Variants in ZRANB3 observed in about 807,000 individuals in gnomAD.
ZRANB3 encodes DNA annealing helicase and endonuclease ZRANB3.
Under a neutral mutation model 133.8 loss-of-function variants are expected in ZRANB3, and 125 were observed. That is an observed-to-expected ratio of 0.93 (90% CI 0.81 to 1.08). The LOEUF is 1.08. ZRANB3 is among the 50% of genes least tolerant of loss of function. The pLI is 0.00. For missense variants in ZRANB3, 1,229 were observed against 1,275.5 expected (o/e 0.96, Z 0.56); for synonymous variants, 387 against 432.7 (o/e 0.89, Z 1.31).
intron 2 of ZRANB3, among the ~76,000 whole-genome samples, chr2:135,437,766 A>G (rs1461872553): frequency 1.3e-5 from 2 of 152,208 alleles, no homozygotes; most frequent in African/African-American, 2.4e-5. Context: ...AAGAGAATCT[A>G]ATATAGTTAA....
intron 8 of ZRANB3, among the ~76,000 whole-genome samples, chr2:135,308,985 T>G (rs1682840981): frequency 6.6e-6 from 1 of 150,878 alleles, no homozygotes; most frequent in South Asian, 2.1e-4. Flanking sequence ...AACATCATTT[T>G]TTTTTTTTTT....
intron 2 of ZRANB3, among the ~76,000 whole-genome samples, chr2:135,440,433 T>A (rs1423930867): frequency 1.3e-5 from 2 of 151,698 alleles, no homozygotes; most frequent in Non-Finnish European, 2.9e-5. Context: ...GATTTTCAAC[T>A]GCGTGAGGGA....
At chr2:135,233,104 T>C (rs1322463004) in intron 12 of ZRANB3, among the ~76,000 whole-genome samples, 2 of 152,180 alleles carry the variant, frequency 1.3e-5, no homozygotes, top group African/African-American at 4.8e-5. Flanking sequence ...TTAAAGGACC[T>C]GATGGAGCTG....
intron 6 of ZRANB3, among the ~76,000 whole-genome samples, chr2:135,323,805 A>G (rs1245231221): frequency 6.6e-6 from 1 of 151,468 alleles, no homozygotes; most frequent in African/African-American, 2.4e-5. Flanking sequence ...AGAGCACTCC[A>G]TCTCCAGGCT....
chr2:135,253,978 T>C (rs1679527442), intron 12 of ZRANB3, among the ~76,000 whole-genome samples: 1 of 152,186 alleles, frequency 6.6e-6, no homozygotes, highest in Non-Finnish European at 1.5e-5. Flanking sequence ...ACTACATACT[T>C]CCAGAATCAG....
At chr2:135,238,380 T>C (rs559136833) in intron 12 of ZRANB3, among the ~76,000 whole-genome samples, 1 of 150,752 alleles carries the variant, frequency 6.6e-6, no homozygotes, top group African/African-American at 2.5e-5. Context: ...GCAGTTAAAG[T>C]AATGCTGTGT....
intron 3 of ZRANB3, among the ~76,000 whole-genome samples, chr2:135,363,834 G>C (rs1358428430): frequency 6.6e-6 from 1 of 152,142 alleles, no homozygotes; most frequent in African/African-American, 2.4e-5. Context: ...AAATCCCTTT[G>C]GGAGGCTGAT....
intron 6 of ZRANB3, among the ~76,000 whole-genome samples, chr2:135,335,344 A>G (rs1684324161): frequency 6.6e-6 from 1 of 152,134 alleles, no homozygotes; most frequent in Non-Finnish European, 1.5e-5. Flanking sequence ...TAATTCAAAC[A>G]TAACATTACA....
At chr2:135,255,911 AAT>A (rs1491268986) in intron 12 of ZRANB3, among the ~76,000 whole-genome samples, 1 of 144,808 alleles carries the variant, frequency 6.9e-6, no homozygotes, top group African/African-American at 2.9e-5. Flanking sequence ...AACTCATTAA[AAT>A]TTTTTTTTTT....
At chr2:135,443,151 A>G (rs1689858676) in intron 2 of ZRANB3, among the ~76,000 whole-genome samples, 2 of 151,762 alleles carry the variant, frequency 1.3e-5, no homozygotes, top group African/African-American at 2.4e-5. Context: ...AAAGAAAAGA[A>G]AAGAAAATGT....
intron 2 of ZRANB3, among the ~76,000 whole-genome samples, chr2:135,446,162 C>T (rs1427628655): frequency 6.7e-6 from 1 of 149,752 alleles, no homozygotes; most frequent in Non-Finnish European, 1.5e-5. Context: ...GCTGAGATTG[C>T]GCCATTGCAC....
chr2:135,215,037 C>A (rs1238037130), intron 17 of ZRANB3, among the ~76,000 whole-genome samples: 1 of 151,020 alleles, frequency 6.6e-6, no homozygotes, highest in Non-Finnish European at 1.5e-5. Flanking sequence ...CCTGCCTCAG[C>A]CTCCCGAATA....
At chr2:135,219,281 C>A in intron 15 of ZRANB3, 103 bp from the exon 16 acceptor site, 1 of 764,450 alleles carries the variant, frequency 1.3e-6, no homozygotes, top group Non-Finnish European at 2.0e-6. Flanking sequence ...GCCTAGTCTC[C>A]TAAAAGAAAA....
At chr2:135,219,815 G>C (rs1056894240) in intron 15 of ZRANB3, among the ~76,000 whole-genome samples, 7 of 152,138 alleles carry the variant, frequency 4.6e-5, no homozygotes, top group African/African-American at 7.2e-5. Context: ...ACCACCTGGA[G>C]AGTAAGTGGA....
At chr2:135,286,574 C>G (rs897142618) in intron 8 of ZRANB3, among the ~76,000 whole-genome samples, 1 of 152,102 alleles carries the variant, frequency 6.6e-6, no homozygotes, top group Non-Finnish European at 1.5e-5. Flanking sequence ...CCACTGCACT[C>G]GGCCTTATTT....
At chr2:135,207,324 T>C in intron 19 of ZRANB3, 110 bp downstream of exon 19, 1 of 1,348,496 alleles carries the variant, frequency 7.4e-7, no homozygotes, top group Non-Finnish European at 9.9e-7. Flanking sequence ...CATTATTTTC[T>C]TTCCTTTTAT....
rs1024657480 is a variant in ZRANB3 at position 135,197,966 on chromosome 2, CT to C, written c.*2375del. ...AGTGCCATCATACCTGGCCAGAGCC[CT>C]TTTTTGTTGTTGTTTTCTTAGCCTA... On this transcript the variant is annotated 3_prime_UTR_variant, in exon 21 of 21. Transcript: ENST00000264159. 4.6e-5 allele frequency: 7 copies of C among 152,528 alleles called. No homozygotes were observed. The highest frequency in any genetic ancestry group is 8.8e-5 in the Non-Finnish European group (6 of 68,248). 9.4% of individuals were successfully genotyped at this position (152,528 alleles called of 1,614,324 possible).
intron 6 of ZRANB3, among the ~76,000 whole-genome samples, chr2:135,329,908 TTG>T (rs779542710): frequency 2.6e-5 from 4 of 152,226 alleles, no homozygotes; most frequent in Non-Finnish European, 4.4e-5. Context: ...TGATTTTATA[TTG>T]TGAGACTTTG....
chr2:135,420,120 T>TATATAA (rs1688776233), intron 2 of ZRANB3, among the ~76,000 whole-genome samples: 1 of 88,174 alleles, frequency 1.1e-5, no homozygotes, highest in Non-Finnish European at 1.9e-5. Context: ...TATATATATA[T>TATATAA]ATATAACTTA....
Sources: allele counts gnomAD v4.1 joint callset (sites outside exome capture counted in the v4.1 genomes callset), GRCh38; gene constraint gnomAD v4.1.1; transcripts MANE v1.5; gene names NCBI Gene and HGNC (gene_info 2026-07-23, HGNC 2026-07-21).